Variants in NBAS observed in about 807,000 individuals in gnomAD.
The protein encoded by NBAS is NAG/BC035112 fusion.
Under a neutral mutation model 302.5 loss-of-function variants are expected in NBAS, and 219 were observed. That is an observed-to-expected ratio of 0.72 (90% CI 0.65 to 0.81). The LOEUF (loss-of-function observed/expected upper bound fraction) is 0.81, where lower values mean the gene tolerates loss of function less well. NBAS is among the 30% of genes least tolerant of loss of function. The pLI is 0.00. For missense variants in NBAS, 2,932 were observed against 2,841.6 expected (o/e 1.03, Z -0.72); for synonymous variants, 1,118 against 1,021.6 (o/e 1.09, Z -1.80).
the NBAS span, among the ~76,000 whole-genome samples, chr2:14,987,390 C>T: frequency 1.3e-5 from 2 of 151,692 alleles, no homozygotes; most frequent in African/African-American, 4.8e-5. Context: ...GCTTTGTGTA[C>T]TAGATTGAGT....
Position 15,353,643 on chromosome 2 carries a change from AGTGGCCAAGTCCTG to A in NBAS, c.3985_3998del (p.Gln1329SerfsTer15). 6.2e-7 allele frequency: 1 copy of A among 1,614,124 alleles called. No homozygotes were observed. The highest frequency in any genetic ancestry group is 8.5e-7 in the Non-Finnish European group (1 of 1,179,962). On this transcript the variant is annotated frameshift_variant, in exon 34 of 52. Coordinates refer to ENST00000281513, the MANE Select transcript of NBAS (RefSeq NM_015909.4). LOFTEE classifies it high-confidence loss of function. ...AAGCAAAAGCCATGAGCTCTTGACG[AGTGGCCAAGTCCTG>A]GTAACCTTCTGATTGTCCTAACTGG...
At chr2:14,968,105 C>G in the NBAS span, among the ~76,000 whole-genome samples, 2 of 152,146 alleles carry the variant, frequency 1.3e-5, no homozygotes, top group African/African-American at 4.8e-5. Flanking sequence ...CTGCAAAAAG[C>G]CTGATTATGT....
intron 25 of NBAS, among the ~76,000 whole-genome samples, chr2:15,409,733 T>C (rs1007731437): frequency 2.0e-5 from 3 of 152,190 alleles, no homozygotes; most frequent in African/African-American, 7.2e-5. Context: ...TGATCATCTA[T>C]TACCAGAGGG....
At chr2:14,810,541 T>C in the NBAS span, among the ~76,000 whole-genome samples, 3 of 152,232 alleles carry the variant, frequency 2.0e-5, no homozygotes, top group Non-Finnish European at 4.4e-5. Flanking sequence ...CAATTAAATC[T>C]TTTTCTTTGT....
the NBAS span, among the ~76,000 whole-genome samples, chr2:15,085,514 C>T: frequency 6.6e-6 from 1 of 152,130 alleles, no homozygotes; most frequent in East Asian, 1.9e-4. Flanking sequence ...GATGCAGGCC[C>T]AGGCCCAGCA....
At chr2:15,455,553 C>A (rs942632615) in intron 21 of NBAS, among the ~76,000 whole-genome samples, 3 of 151,926 alleles carry the variant, frequency 2.0e-5, no homozygotes, top group African/African-American at 7.3e-5. Context: ...AAGACCAAGG[C>A]TTCAGCATGG....
At chr2:14,968,627 T>C in the NBAS span, among the ~76,000 whole-genome samples, 1 of 152,032 alleles carries the variant, frequency 6.6e-6, no homozygotes, top group Non-Finnish European at 1.5e-5. Flanking sequence ...ATTAGGGAAA[T>C]CCAAAACAAA....
chr2:15,161,554 T>G, the NBAS span, among the ~76,000 whole-genome samples: 1 of 152,126 alleles, frequency 6.6e-6, no homozygotes, highest in Admixed American at 6.5e-5. Flanking sequence ...AAGAGAAAGT[T>G]CACCCCTTTT....
intron 11 of NBAS, among the ~76,000 whole-genome samples, chr2:15,496,207 C>T (rs748165246): frequency 5.3e-5 from 8 of 151,764 alleles, no homozygotes; most frequent in Non-Finnish European, 1.0e-4. Flanking sequence ...AAGCATCATG[C>T]TAAGCGAAAA....
At chr2:15,549,251 G>A (rs1050373938) in intron 6 of NBAS, among the ~76,000 whole-genome samples, 3 of 152,150 alleles carry the variant, frequency 2.0e-5, no homozygotes, top group Non-Finnish European at 4.4e-5. Flanking sequence ...AGTCAGATGT[G>A]AAGGGTTACC....
In NBAS at chr2:15,199,316, A is replaced by C. The variant is rs112424899; in HGVS notation, c.6433-8913T>G. Among the ~76,000 whole-genome samples, 480 of 152,272 alleles carry C rather than the reference A, an allele frequency of 3.2e-3. 3 individuals carry two copies. The highest frequency in any genetic ancestry group is 0.011 in the African/African-American group (459 of 41,558). On this transcript the variant is annotated intron_variant, in intron 48 of 51. Transcript: ENST00000281513. ...TTGTGAGAACATGTGATTAGTATGA[A>C]TATTACAGAAATTTGAATTCGCCAA...
intron 48 of NBAS, among the ~76,000 whole-genome samples, chr2:15,205,382 C>CA (rs1336411241): frequency 1.3e-5 from 2 of 151,736 alleles, no homozygotes; most frequent in African/African-American, 4.8e-5. Flanking sequence ...ACAACAACAA[C>CA]AAAAACAGCA....
At chr2:15,171,973 C>T (rs887117411) in intron 51 of NBAS, among the ~76,000 whole-genome samples, 2 of 152,190 alleles carry the variant, frequency 1.3e-5, no homozygotes, top group Non-Finnish European at 2.9e-5. Context: ...GTTTAAGTCA[C>T]TTAGTCTGTG....
chr2:15,121,297 C>A, the NBAS span, among the ~76,000 whole-genome samples: 6 of 152,288 alleles, frequency 3.9e-5, no homozygotes, highest in South Asian at 1.2e-3. Flanking sequence ...TAGCTACAGG[C>A]TGAGGCCAGA....
At chr2:15,417,389 A>T in intron 24 of NBAS, 138 bp downstream of exon 24, 1 of 749,368 alleles carries the variant, frequency 1.3e-6, no homozygotes, top group Non-Finnish European at 2.1e-6. Flanking sequence ...ATAATATTTT[A>T]CTGTGAAAAA....
intron 38 of NBAS, among the ~76,000 whole-genome samples, chr2:15,316,555 G>A (rs1228671910): frequency 2.0e-5 from 3 of 152,238 alleles, no homozygotes; most frequent in Non-Finnish European, 4.4e-5. Flanking sequence ...TTAGCAACCG[G>A]CAGACAAGGA....
At chr2:14,940,143 AT>A in the NBAS span, among the ~76,000 whole-genome samples, 1 of 152,116 alleles carries the variant, frequency 6.6e-6, no homozygotes, top group Non-Finnish European at 1.5e-5. Context: ...TCAGTTTGGA[AT>A]CTCTGATCTA....
chr2:15,262,277 T>C (rs1181270585), intron 44 of NBAS, among the ~76,000 whole-genome samples: 1 of 152,246 alleles, frequency 6.6e-6, no homozygotes, highest in South Asian at 2.1e-4. Context: ...TGACAGAAAG[T>C]AGAGAAAAGA....
the NBAS span, among the ~76,000 whole-genome samples, chr2:15,159,803 G>GCACACA: frequency 3.8e-3 from 567 of 147,414 alleles, 4 homozygotes; most frequent in Non-Finnish European, 5.7e-3. Flanking sequence ...ACACACGCGT[G>GCACACA]CACACACACA....
Sources: allele counts gnomAD v4.1 joint callset (sites outside exome capture counted in the v4.1 genomes callset), GRCh38; gene constraint gnomAD v4.1.1; transcripts MANE v1.5; gene names NCBI Gene and HGNC (gene_info 2026-07-23, HGNC 2026-07-21).